The following RBFOX1 variants were observed in gnomAD, a reference collection of about 807,000 sequenced individuals.
RBFOX1 encodes the protein RNA binding fox-1 homolog 1, also known as RNA binding protein fox-1 homolog 1.
RBFOX1 carries 8 observed loss-of-function variants against 57.7 expected under a neutral mutation model. That is an observed-to-expected ratio of 0.14 (90% CI 0.08 to 0.25). The LOEUF (loss-of-function observed/expected upper bound fraction) is 0.25. RBFOX1 is among the 10% of genes least tolerant of loss of function. The pLI is 1.00. For missense variants in RBFOX1, 611 were observed against 548.5 expected (o/e 1.11, Z -1.14); for synonymous variants, 326 against 222.4 (o/e 1.47, Z -4.15).
intron 1 of RBFOX1, among the ~76,000 whole-genome samples, chr16:5,319,935 C>G (rs2064355995): frequency 6.6e-6 from 1 of 152,164 alleles, no homozygotes; most frequent in Non-Finnish European, 1.5e-5. Flanking sequence ...CATGGGTCAT[C>G]TCTGTGAGGG....
chr16:7,054,810 C>T (rs1209168188), intron 4 of RBFOX1, among the ~76,000 whole-genome samples: 3 of 152,122 alleles, frequency 2.0e-5, no homozygotes, highest in Non-Finnish European at 4.4e-5. Context: ...GTTATCATGT[C>T]GAGGGTCCTT....
In RBFOX1 at chr16:6,230,602, A is replaced by G. The variant is rs914122131; in HGVS notation, c.-126-86393A>G. 6.6e-5 allele frequency among the ~76,000 whole-genome samples: 10 copies of G among 152,182 alleles called. No individual in the cohort carries two copies. In the South Asian group the frequency reaches 1.9e-3, roughly 28 times the overall value. On this transcript the variant is annotated intron_variant, in intron 1 of 15. Transcript: ENST00000550418. ...GTTTGGACTAGGATCAGCTGGGTGG[A>G]GGAGTGAGCAGAAGTATAAAGAGGT...
At chr16:6,995,867 C>G (rs968996391) in intron 3 of RBFOX1, among the ~76,000 whole-genome samples, 1 of 152,354 alleles carries the variant, frequency 6.6e-6, no homozygotes, top group East Asian at 1.9e-4. Flanking sequence ...AGACAAGTAT[C>G]TGATTCTCTG....
intron 4 of RBFOX1, among the ~76,000 whole-genome samples, chr16:7,115,809 T>G (rs4993369): frequency 0.51 from 77,145 of 152,058 alleles, 19,966 homozygotes; most frequent in East Asian, 0.83. Context: ...GAGTTACACA[T>G]GAACAGGGAT....
chr16:6,529,557 ATAATAATAAT>A, intron 2 of RBFOX1, among the ~76,000 whole-genome samples: 1 of 115,752 alleles, frequency 8.6e-6, no homozygotes, highest in East Asian at 2.3e-4. Flanking sequence ...TCCATCTCAA[ATAATAATAAT>A]AATTATTATT....
chr16:6,884,329 G>A (rs1489548786), intron 3 of RBFOX1, among the ~76,000 whole-genome samples: 2 of 152,152 alleles, frequency 1.3e-5, no homozygotes, highest in Non-Finnish European at 2.9e-5. Flanking sequence ...AACCAGGGCT[G>A]GGGACCTGGC....
chr16:7,692,950 C>G (rs1392000307), intron 14 of RBFOX1, among the ~76,000 whole-genome samples: 1 of 151,978 alleles, frequency 6.6e-6, no homozygotes, highest in African/African-American at 2.4e-5. Flanking sequence ...GTAGTATACC[C>G]TATTTCTTAA....
chr16:7,625,713 G>C (rs1205922759), intron 10 of RBFOX1, among the ~76,000 whole-genome samples: 2 of 152,120 alleles, frequency 1.3e-5, no homozygotes. Context: ...TATTCACCAT[G>C]TACTGACTTG....
At chr16:6,663,111 G>A (rs896907812) in intron 3 of RBFOX1, among the ~76,000 whole-genome samples, 3 of 152,150 alleles carry the variant, frequency 2.0e-5, no homozygotes, top group African/African-American at 7.2e-5. Context: ...AGGAGTACAG[G>A]GTGGAAGGCA....
chr16:7,033,902 C>G (rs6500899), intron 3 of RBFOX1, among the ~76,000 whole-genome samples: 22,038 of 152,146 alleles, frequency 0.14, 2,993 homozygotes, highest in African/African-American at 0.34. Context: ...CTGGGAAGTT[C>G]AAGCTGCAGT....
chr16:7,004,720 G>C (rs546187098), intron 3 of RBFOX1, among the ~76,000 whole-genome samples: 32 of 152,306 alleles, frequency 2.1e-4, no homozygotes, highest in African/African-American at 7.7e-4. Flanking sequence ...TGTATGGTGA[G>C]CTGGTATTCA....
chr16:5,599,539 A>G, exon 3 of RBFOX1: 1 of 350,542 alleles, frequency 2.9e-6, no homozygotes, highest in South Asian at 6.2e-5. Flanking sequence ...CCTCTCGGCA[A>G]TGCAATCATG....
intron 1 of RBFOX1, among the ~76,000 whole-genome samples, chr16:5,397,407 C>G (rs1017794653): frequency 4.6e-5 from 7 of 152,316 alleles, no homozygotes; most frequent in African/African-American, 9.6e-5. Flanking sequence ...GGCAGGTGCT[C>G]TCTGCACTGA....
chr16:7,054,222 G>GC (rs1267559301), intron 4 of RBFOX1, among the ~76,000 whole-genome samples: 1 of 101,552 alleles, frequency 9.8e-6, no homozygotes, highest in African/African-American at 3.7e-5. Context: ...TCGGGGGGGG[G>GC]GGGCGGGGAG....
chr16:5,651,424 G>T (rs79452079), intron 3 of RBFOX1, among the ~76,000 whole-genome samples: 252 of 152,162 alleles, frequency 1.7e-3, no homozygotes, highest in African/African-American at 5.4e-3. Context: ...ACAGGCGAGT[G>T]TCTCTGCTGC....
At chr16:7,529,102 A>G (rs1174899664) in intron 5 of RBFOX1, among the ~76,000 whole-genome samples, 1 of 152,112 alleles carries the variant, frequency 6.6e-6, no homozygotes, top group Non-Finnish European at 1.5e-5. Context: ...CGACACAAAA[A>G]GTACAAAAAT....
chr16:5,449,709 A>G (rs1474595353), intron 1 of RBFOX1, among the ~76,000 whole-genome samples: 1 of 152,226 alleles, frequency 6.6e-6, no homozygotes, highest in Non-Finnish European at 1.5e-5. Context: ...CCTGGGCTCA[A>G]GTGATCCTCC....
intron 2 of RBFOX1, among the ~76,000 whole-genome samples, chr16:6,620,776 C>T (rs949211825): frequency 6.6e-6 from 1 of 152,130 alleles, no homozygotes; most frequent in African/African-American, 2.4e-5. Context: ...TTCCTGGACG[C>T]ATAGATCCTC....
chr16:6,708,349 G>T (rs1214754237), intron 3 of RBFOX1, among the ~76,000 whole-genome samples: 1 of 151,970 alleles, frequency 6.6e-6, no homozygotes, highest in African/African-American at 2.4e-5. Flanking sequence ...ACTACCTTGA[G>T]ACCATCTTCT....
Sources: gnomAD v4.1 joint callset for allele counts (sites outside exome capture counted in the v4.1 genomes callset) on GRCh38, gnomAD v4.1.1 for gene constraint, MANE v1.5 for transcripts, NCBI Gene and HGNC (gene_info 2026-07-23, HGNC 2026-07-21) for gene names.